The following WDR97 variants were observed in gnomAD, a reference collection of about 807,000 sequenced individuals.
The protein encoded by WDR97 is WD repeat-containing protein 97.
In WDR97, 111 loss-of-function variants were observed where a neutral mutation model predicts 65.4. That is an observed-to-expected ratio of 1.70 (90% confidence interval 1.45 to 1.99). The LOEUF (loss-of-function observed/expected upper bound fraction) is 1.99. Among genes scored for constraint, WDR97 ranks in the 30% most tolerant of loss-of-function variants. The pLI is 0.00. For missense variants in WDR97, 1,674 were observed against 865.0 expected, an observed-to-expected ratio of 1.94 and a Z score of -11.73; for synonymous variants, 802 against 397.7, an observed-to-expected ratio of 2.02 and a Z score of -12.10.
intron 21 of WDR97, 148 bp from the exon 22 acceptor site, chr8:144,115,193 G>T: frequency 1.8e-6 from 1 of 565,560 alleles, no homozygotes; most frequent in Middle Eastern, 4.5e-4. Context: ...GGGAGTTTCA[G>T]TGGCCATGTG....
rs562226510 is a variant in WDR97 at position 144,111,801 on chromosome 8, C to A, written c.2637+20C>A. The A allele has an allele frequency of 1.4e-4, 99 of 689,430 alleles. No individual in the cohort carries two copies. Among genetic ancestry groups the A allele is most frequent in the African/African-American group, 1.3e-3 (72 of 57,098 alleles). 42.7% of individuals were successfully genotyped at this position (689,430 alleles called of 1,614,324 possible). A position where few individuals can be genotyped will look rare whatever the true frequency, so the allele number is the denominator to read the frequency against. On this transcript the variant is annotated intron_variant, in intron 12 of 23. Transcript: ENST00000323662. ...CTGCTGGTAGGTGTAGGGCCTCCCC[C>A]AGCCCAGCCCTGACCCTGGCCCCTC...
rs548083057 is a variant in WDR97, at chr8:144,114,460, GC to G, written c.3783del (p.Ser1262AlafsTer11). On this transcript the variant is annotated frameshift_variant, in exon 19 of 24. Transcript: ENST00000323662. LOFTEE classifies it high-confidence loss of function. ...LLVHLLNLDQ[P>X]PSLQDQTQKK... ...TCGTACACTTGCTCAACCTGGACCA[GC>G]CCCCCAGCCTCCAGGTGTGCCCCTT... 3 of 702,462 alleles carry G rather than the reference GC, an allele frequency of 4.3e-6. No homozygotes were observed. Among genetic ancestry groups the G allele is most frequent in the Non-Finnish European group, 7.8e-6 (3 of 384,796 alleles). The allele number at this position is 702,462 out of a possible 1,614,324, so 43.5% of individuals were successfully genotyped here.
In WDR97 at chr8:144,110,589, G is replaced by A; in HGVS notation, c.2080+12G>A. 1.4e-6 allele frequency: 1 copy of A among 702,742 alleles called. No individual in the cohort carries two copies. The highest frequency in any genetic ancestry group is 2.6e-6 in the Non-Finnish European group (1 of 384,920). The allele number at this position is 702,742 out of a possible 1,614,324, so 43.5% of individuals were successfully genotyped here. On this transcript the variant is annotated intron_variant, in intron 7 of 23. Transcript: ENST00000323662. ...GGACCACATCACTGGTGAGGGGGCA[G>A]CATGGGTGAAGCCCAGCCACCGCCC...
rs770759847 is a variant in WDR97, at chr8:144,114,712, G to C, written c.3914+37G>C. The C allele has an allele frequency of 8.5e-6, 6 of 702,602 alleles. No individual in the cohort carries two copies. The South Asian group carries it at 8.9e-5, about 10-fold the overall frequency. 43.5% of individuals were successfully genotyped at this position (702,602 alleles called of 1,614,324 possible). On this transcript the variant is annotated intron_variant, in intron 20 of 23. Coordinates refer to ENST00000323662, the MANE Select transcript of WDR97 (RefSeq NM_001316309.2). ...TCCTGCCCAGCCCTCCCTGCCACTG[G>C]GAAGGCCTCTGGACAAGCCACATGC...
Position 144,108,803 on chromosome 8 carries a change from C to T in WDR97, c.737C>T (p.Thr246Ile). 1.4e-6 allele frequency: 1 copy of T among 702,730 alleles called. No homozygotes were observed. The highest frequency in any genetic ancestry group is 2.6e-6 in the Non-Finnish European group (1 of 384,870). The allele number at this position is 702,730 out of a possible 1,614,324, so 43.5% of individuals were successfully genotyped here. A position where few individuals can be genotyped will look rare whatever the true frequency, so the allele number is the denominator to read the frequency against. ...GCACTGCACCCGCCCCCGAGCCCAA[C>T]AGGCAGGCTCATGCGTCTGGCTGTG... ...GSALHPPPSP[T>I]GRLMRLAVAP... Residue 246 changes from threonine (T) to isoleucine (I), a missense_variant, in exon 3 of 24, where the codon ACA (threonine) becomes ATA (isoleucine). Physicochemically the swap from Thr to Ile is moderately conservative, Grantham distance 89. Coordinates refer to ENST00000323662, the MANE Select transcript of WDR97 (RefSeq NM_001316309.2).
In WDR97 at chr8:144,110,854, G is replaced by A. The variant is rs77593892; in HGVS notation, c.2172-10G>A. 2,012 of 702,792 alleles carry A rather than the reference G, an allele frequency of 2.9e-3. 30 individuals carry two copies. In the African/African-American group the frequency reaches 0.031, roughly 11 times the overall value. 43.5% of individuals were successfully genotyped at this position (702,792 alleles called of 1,614,324 possible). A position where few individuals can be genotyped will look rare whatever the true frequency, so the allele number is the denominator to read the frequency against. On this transcript the variant is annotated splice_polypyrimidine_tract_variant and intron_variant, in intron 8 of 23. Transcript: ENST00000323662. ...CTGCTGAGCCTCGGCTGCCCTGGGTGCCTCTCCAGGCTCCTGCAGCTGAAT... is the reference window on the plus strand; with the variant it reads ...CTGCTGAGCCTCGGCTGCCCTGGGTACCTCTCCAGGCTCCTGCAGCTGAAT...
At chr8:144,110,297 C>T (rs918622902) in intron 6 of WDR97, 41 bp downstream of exon 6, 27 of 702,084 alleles carry the variant, frequency 3.8e-5, no homozygotes, top group Non-Finnish European at 6.2e-5. Context: ...GCCACAGAGC[C>T]CCCTCCCCTC....
chr8:144,114,280 A>G lies in WDR97; in HGVS notation c.3597A>G (p.Ala1199=), dbSNP rs367801100. The G allele has an allele frequency of 1.3e-5, 9 of 700,734 alleles. No homozygotes were observed. Among genetic ancestry groups the G allele is most frequent in the African/African-American group, 1.0e-4 (6 of 57,226 alleles). The allele number at this position is 700,734 out of a possible 1,614,324, so 43.4% of individuals were successfully genotyped here. A position where few individuals can be genotyped will look rare whatever the true frequency, so the allele number is the denominator to read the frequency against. Residue 1199 remains alanine, a splice_region_variant and synonymous_variant, in exon 19 of 24, where the codon GCA becomes GCG. Transcript: ENST00000323662. ...GGCCTCAGCATGCTACCCTGCAGGCATACCCGGAGGCGGGCACGATCGAGG... is the reference window on the plus strand; with the variant it reads ...GGCCTCAGCATGCTACCCTGCAGGCGTACCCGGAGGCGGGCACGATCGAGG... ...KKLFPIFSLQ[A]YPEAGTIEGL...
chr8:144,117,540 A>AGG lies in WDR97; in HGVS notation c.*1249_*1250dup, dbSNP rs1383902775. On this transcript the variant is annotated 3_prime_UTR_variant, in exon 24 of 24. Coordinates refer to ENST00000323662, the MANE Select transcript of WDR97 (RefSeq NM_001316309.2). ...ATAGCAGGGGGCAGGGGGGGATCTG[A>AGG]GGGACCCCACATGACTTACAATCAG... 5 of 152,816 alleles carry AGG rather than the reference A, an allele frequency of 3.3e-5. No homozygotes were observed. Among genetic ancestry groups the AGG allele is most frequent in the Non-Finnish European group, 5.8e-5 (4 of 68,522 alleles). The allele number at this position is 152,816 out of a possible 1,614,324, so 9.5% of individuals were successfully genotyped here.
Position 144,108,480 on chromosome 8 carries a change from C to T in WDR97, c.414C>T (p.Gly138=). ...AGRLHLHKED[G]WAQETLLAPV... ...GCCTGCACCTGCACAAGGAAGACGG[C>T]TGGGCACAGGAGACGCTGCTGGCGC... The change falls in exon 3 of 24, where the codon GGC becomes GGT. Residue 138 remains glycine (G), a synonymous_variant. Transcript: ENST00000323662. 2 of 700,664 alleles carry T rather than the reference C, an allele frequency of 2.9e-6. No individual in the cohort carries two copies. Among genetic ancestry groups the T allele is most frequent in the Middle Eastern group, 2.7e-4 (1 of 3,742 alleles). 43.4% of individuals were successfully genotyped at this position (700,664 alleles called of 1,614,324 possible).
rs1836571321 is a variant in WDR97 at position 144,112,480 on chromosome 8, CCT to C, written c.3062_3063del (p.Ser1021Ter). ...GCTGCCAAAGAGATGGGACAAGGAA[CCT>C]CTCTCTAGCCTCAGGGGCTTCTTTC... ...PLLPKRWDKE[P>X]LSSLRGFFPA... On this transcript the variant is annotated frameshift_variant, in exon 15 of 24. Transcript: ENST00000323662. LOFTEE classifies it high-confidence loss of function. The C allele has an allele frequency of 1.4e-6, 1 of 702,672 alleles. No homozygotes were observed. Among genetic ancestry groups the C allele is most frequent in the African/African-American group, 1.7e-5 (1 of 57,344 alleles). The allele number at this position is 702,672 out of a possible 1,614,324, so 43.5% of individuals were successfully genotyped here.
chr8:144,108,072 G>A lies in WDR97; in HGVS notation c.126G>A (p.Thr42=), dbSNP rs1484222236. 1 of 702,766 alleles carries A rather than the reference G, an allele frequency of 1.4e-6. No individual in the cohort carries two copies. 43.5% of individuals were successfully genotyped at this position (702,766 alleles called of 1,614,324 possible). The part of the protein sequence containing the change: ...LLTEKNELTF[T]EPSQVLPFLT... The stretch of plus-strand genomic sequence containing the variant: ...TCCTGCCCGCAGAGTTGACTTTCAC[G>A]GAGCCGTCGCAGGTCCTGCCCTTTT... Residue 42 remains threonine, a synonymous_variant, in exon 2 of 24, where the codon ACG becomes ACA. Transcript: ENST00000323662.
Position 144,118,084 on chromosome 8 carries a change from C to T in WDR97, c.*1791C>T, listed in dbSNP as rs1006893620. 1 of 152,206 alleles carries T rather than the reference C, an allele frequency of 6.6e-6. No individual in the cohort carries two copies. The highest frequency in any genetic ancestry group is 1.5e-5 in the Non-Finnish European group (1 of 68,048). 9.4% of individuals were successfully genotyped at this position (152,206 alleles called of 1,614,324 possible). On this transcript the variant is annotated 3_prime_UTR_variant, in exon 24 of 24. Transcript: ENST00000323662. ...GGATATGGGAGTTATAAGCCAGGAA[C>T]TGTGGATGGAAACCAATGACAGATA...
chr8:144,115,290 G>A (rs1836627669), intron 21 of WDR97, 51 bp from the exon 22 acceptor site: 10 of 573,080 alleles, frequency 1.7e-5, no homozygotes, highest in South Asian at 8.9e-5. Context: ...CAAGTTGCTG[G>A]TGGTGCTGCC....
rs552564150 is a variant in WDR97, at chr8:144,116,129, G to A, written c.4705G>A (p.Asp1569Asn). The change falls in exon 24 of 24, where the codon GAC becomes AAC. Residue 1569 changes from aspartate to asparagine, a missense_variant. Asp to Asn is a conservative substitution (Grantham distance 23). Transcript: ENST00000323662. ...CCGGCTCTGTGCGGGCCGCACCCTG[G>A]ACGGCCCCATCCGGACGCTGAAGCT... ...RSRLCAGRTL[D>N]GPIRTLKLPL... 234 of 698,812 alleles carry A rather than the reference G, an allele frequency of 3.3e-4. 2 individuals are homozygous for A. Among genetic ancestry groups the A allele is most frequent in the Middle Eastern group, 3.1e-3 (13 of 4,174 alleles). The allele number at this position is 698,812 out of a possible 1,614,324, so 43.3% of individuals were successfully genotyped here.
rs143648015 is a variant in WDR97 at position 144,111,659 on chromosome 8, C to T, written c.2515C>T (p.Arg839Ter). ...EDLDAIVARD[R>*]DLQQLRLGLV... Reference sequence around the variant, plus strand: ...CTTGGACGCCATAGTGGCCCGGGACCGAGACCTTCAGCAGTTGAGGCTGGG... The same window carrying T: ...CTTGGACGCCATAGTGGCCCGGGACTGAGACCTTCAGCAGTTGAGGCTGGG... Residue 839 changes from arginine to a stop codon, truncating the protein, a stop_gained, in exon 12 of 24, where the codon CGA (arginine) becomes TGA (stop). Transcript: ENST00000323662. LOFTEE classifies it high-confidence loss of function. 1.5e-4 allele frequency: 102 copies of T among 696,978 alleles called. No individual in the cohort carries two copies. The East Asian group carries it at 1.6e-3, about 11-fold the overall frequency. 43.2% of individuals were successfully genotyped at this position (696,978 alleles called of 1,614,324 possible).
Position 144,113,463 on chromosome 8 carries a change from C to T in WDR97, c.3129C>T (p.Phe1043=). Residue 1043 remains phenylalanine, a synonymous_variant, in exon 16 of 24, where the codon TTC becomes TTT. Transcript: ENST00000323662. ...PHKHCLRPIC[F]PGYVPNSAVL... is the part of the protein sequence containing the mutation. ...AGCACTGCCTGAGGCCCATCTGCTT[C>T]CCCGGCTATGTGCCCAACTCCGCGG... is the stretch of plus-strand genomic sequence containing the variant. 1.4e-6 allele frequency: 1 copy of T among 702,354 alleles called. No individual in the cohort carries two copies. 43.5% of individuals were successfully genotyped at this position (702,354 alleles called of 1,614,324 possible).
In WDR97 at chr8:144,109,585, G is replaced by A; in HGVS notation, c.1251G>A (p.Pro417=). The A allele has an allele frequency of 1.4e-6, 1 of 691,438 alleles. No individual in the cohort carries two copies. Among genetic ancestry groups the A allele is most frequent in the Non-Finnish European group, 2.6e-6 (1 of 379,996 alleles). 42.8% of individuals were successfully genotyped at this position (691,438 alleles called of 1,614,324 possible). The change falls in exon 5 of 24, where the codon CCG becomes CCA. Residue 417 remains proline (P), a synonymous_variant. Coordinates refer to ENST00000323662, the MANE Select transcript of WDR97 (RefSeq NM_001316309.2). ...GGCGCGTACGCGAGCTCTACTCGCC[G>A]TTGGCGCAACTGCCCGCCAAGGTGC... ...QLWRVRELYS[P]LAQLPAKVLH... is the part of the protein sequence containing the mutation.
chr8:144,108,815 T>C lies in WDR97; in HGVS notation c.749T>C (p.Met250Thr). 2 of 702,758 alleles carry C rather than the reference T, an allele frequency of 2.8e-6. No individual in the cohort carries two copies. The allele number at this position is 702,758 out of a possible 1,614,324, so 43.5% of individuals were successfully genotyped here. The change falls in exon 3 of 24, where the codon ATG (methionine) becomes ACG (threonine). Residue 250 changes from methionine (M) to threonine (T), a missense_variant. Met to Thr is a moderately conservative substitution (Grantham distance 81, BLOSUM62 -1). Transcript: ENST00000323662. ...HPPPSPTGRL[M>T]RLAVAPVPPH... is the part of the protein sequence containing the mutation. ...CCCCCGAGCCCAACAGGCAGGCTCA[T>C]GCGTCTGGCTGTGGCGCCGGTTCCT... is the stretch of plus-strand genomic sequence containing the variant.
Sources: gnomAD v4.1 joint callset for allele counts on GRCh38, gnomAD v4.1.1 for gene constraint, MANE v1.5 for transcripts, NCBI Gene and HGNC (gene_info 2026-07-23, HGNC 2026-07-21) for gene names.